TMT1B: variants seen among roughly 807,000 people sequenced by gnomAD.
TMT1B encodes the protein thiol S-methyltransferase TMT1B.
At chr12:55,682,395 A>T in the TMT1B span, 1 of 787,392 alleles carries the variant, frequency 1.3e-6, no homozygotes, top group South Asian at 1.8e-5. Context: ...GGTGAATAGG[A>T]GACATGACCA....
At chr12:55,682,825 A>C in the TMT1B span, among the ~76,000 whole-genome samples, 1 of 151,052 alleles carries the variant, frequency 6.6e-6, no homozygotes, top group Non-Finnish European at 1.5e-5. Context: ...AGAGAGAGAG[A>C]GATCTGAGGG....
At chr12:55,683,710 C>A in the TMT1B span, 1 of 1,151,938 alleles carries the variant, frequency 8.7e-7, no homozygotes, top group South Asian at 1.4e-5. Flanking sequence ...ACTCTCAGAC[C>A]AGCAGCTCCC....
At chr12:55,684,325 T>C in the TMT1B span, 3 of 409,874 alleles carry the variant, frequency 7.3e-6, no homozygotes, top group South Asian at 7.6e-5. Context: ...TCTGGACTAG[T>C]CTCCCAACGT....
chr12:55,682,376 C>T, the TMT1B span: 1 of 911,518 alleles, frequency 1.1e-6, no homozygotes, highest in South Asian at 1.8e-5. Context: ...CCATCCACCT[C>T]TACCTGCTGG....
the TMT1B span, chr12:55,684,090 G>A: frequency 1.3e-6 from 2 of 1,587,236 alleles, no homozygotes; most frequent in African/African-American, 1.3e-5. Flanking sequence ...TCCTTCCCCA[G>A]CCTCCAATTA....
the TMT1B span, chr12:55,682,002 C>G: frequency 6.2e-7 from 1 of 1,614,218 alleles, no homozygotes; most frequent in Non-Finnish European, 8.5e-7. Flanking sequence ...GGAACCGGAG[C>G]CAACTTTCAG....
the TMT1B span, chr12:55,683,911 G>C: frequency 6.2e-7 from 1 of 1,614,066 alleles, no homozygotes. Flanking sequence ...AACACATTGG[G>C]GATGGCTGCT....
At chr12:55,683,384 A>G in the TMT1B span, among the ~76,000 whole-genome samples, 2 of 152,156 alleles carry the variant, frequency 1.3e-5, no homozygotes, top group African/African-American at 4.8e-5. Flanking sequence ...AATCCCAGCT[A>G]CTTGGGAGGC....
chr12:55,682,261 G>A, the TMT1B span: 1 of 1,604,500 alleles, frequency 6.2e-7, no homozygotes, highest in South Asian at 1.1e-5. Context: ...CGGTAAGCAG[G>A]GTGGGAAGGG....
chr12:55,682,339 G>C, the TMT1B span: 2 of 1,339,768 alleles, frequency 1.5e-6, no homozygotes, highest in Non-Finnish European at 2.0e-6. Flanking sequence ...TGGGGCGTCT[G>C]AGGTAGTAAG....
the TMT1B span, among the ~76,000 whole-genome samples, chr12:55,682,483 G>A: frequency 1.3e-5 from 2 of 151,848 alleles, no homozygotes; most frequent in East Asian, 1.9e-4. Flanking sequence ...GGAGGGGAGT[G>A]GGGAGGACAC....
At chr12:55,682,268 AG>A in the TMT1B span, 1 of 1,598,676 alleles carries the variant, frequency 6.3e-7, no homozygotes, top group Non-Finnish European at 8.5e-7. Context: ...CAGGGTGGGA[AG>A]GGGATGGGTG....
the TMT1B span, chr12:55,682,383 C>T: frequency 2.3e-6 from 2 of 863,582 alleles, no homozygotes; most frequent in African/African-American, 1.7e-5. Flanking sequence ...CCTCTACCTG[C>T]TGGTGAATAG....
chr12:55,682,035 T>C, the TMT1B span: 1 of 1,614,208 alleles, frequency 6.2e-7, no homozygotes, highest in African/African-American at 1.3e-5. Flanking sequence ...GGCTGCAGGG[T>C]CACCTGCCTA....
the TMT1B span, among the ~76,000 whole-genome samples, chr12:55,683,640 C>G: frequency 6.6e-6 from 1 of 152,148 alleles, no homozygotes; most frequent in African/African-American, 2.4e-5. Flanking sequence ...TTCACATGCA[C>G]TTTGAAGGCG....
At chr12:55,682,954 T>C in the TMT1B span, among the ~76,000 whole-genome samples, 5 of 152,128 alleles carry the variant, frequency 3.3e-5, no homozygotes, top group Admixed American at 3.3e-4. Flanking sequence ...GTTTCCAGGT[T>C]TCTAGCATGA....
At chr12:55,683,681 A>T in the TMT1B span, 1 of 855,094 alleles carries the variant, frequency 1.2e-6, no homozygotes, top group Non-Finnish European at 1.9e-6. Flanking sequence ...GGTCAGGGGC[A>T]CGACAGTTTG....
chr12:55,682,056 C>T, the TMT1B span: 5,151 of 1,614,240 alleles, frequency 3.2e-3, 33 homozygotes, highest in South Asian at 0.013. Flanking sequence ...GACCCAAATC[C>T]CCACTTTGAG....
At chr12:55,681,884 A>T in the TMT1B span, 1 of 1,610,450 alleles carries the variant, frequency 6.2e-7, no homozygotes, top group Non-Finnish European at 8.5e-7. Flanking sequence ...GGCCGTGCTG[A>T]CTCCCAAGAG....
Sources: gnomAD v4.1 joint callset for allele counts (sites outside exome capture counted in the v4.1 genomes callset) on GRCh38, gnomAD v4.1.1 for gene constraint, MANE v1.5 for transcripts, NCBI Gene and HGNC (gene_info 2026-07-23, HGNC 2026-07-21) for gene names.